The following ETV4 variants were observed in gnomAD, a reference collection of about 807,000 sequenced individuals.
ETV4 encodes ETS variant transcription factor 4.
ETV4 carries 42 observed loss-of-function variants against 65.9 expected under a neutral mutation model. The ratio of observed to expected loss-of-function variants is 0.64; its 90% CI spans 0.50 to 0.82. The LOEUF (loss-of-function observed/expected upper bound fraction) is 0.82, where lower values mean the gene tolerates loss of function less well. Among genes scored for constraint, ETV4 ranks in the 40% least tolerant of loss-of-function variants. The probability of loss-of-function intolerance (pLI) is 0.00; values close to 1 mark genes in which losing one functional copy is unlikely to be tolerated. For synonymous variants in ETV4, 238 were observed against 260.0 expected (o/e 0.92, Z 0.81); for missense variants, 583 against 630.3 (o/e 0.92, Z 0.80).
In ETV4 at chr17:43,529,115, C is replaced by G; in HGVS notation, c.1230+20G>C. On this transcript the variant is annotated intron_variant, in intron 12 of 12. Transcript: ENST00000319349. ...AGCCACTGCCCCCCACCACCTTGTCCCTAGACCCACAGCCCCCACCTTCTG... is the reference window on the plus strand; with the variant it reads ...AGCCACTGCCCCCCACCACCTTGTCGCTAGACCCACAGCCCCCACCTTCTG... 1 of 1,612,540 alleles carries G rather than the reference C, an allele frequency of 6.2e-7. No homozygotes were observed. Among genetic ancestry groups the G allele is most frequent in the Non-Finnish European group, 8.5e-7 (1 of 1,178,902 alleles).
chr17:43,532,366 G>A (rs1427933343), intron 8 of ETV4, among the ~76,000 whole-genome samples: 2 of 152,122 alleles, frequency 1.3e-5, no homozygotes, highest in African/African-American at 4.8e-5. Flanking sequence ...GGGCACGGTG[G>A]CTGGTGCCTG....
intron 4 of ETV4, among the ~76,000 whole-genome samples, chr17:43,538,507 T>C (rs1971358597): frequency 6.6e-6 from 1 of 152,088 alleles, no homozygotes; most frequent in South Asian, 2.1e-4. Context: ...TGGAGCTGGG[T>C]TGGGGAATAG....
chr17:43,537,987 G>T (rs141228619), intron 4 of ETV4, among the ~76,000 whole-genome samples: 2 of 151,994 alleles, frequency 1.3e-5, no homozygotes, highest in Non-Finnish European at 2.9e-5. Flanking sequence ...AAAATTAGCC[G>T]GGTGTGGTGG....
chr17:43,536,619 A>G, intron 4 of ETV4, 140 bp from the exon 5 acceptor site: 1 of 674,702 alleles, frequency 1.5e-6, no homozygotes, highest in East Asian at 2.5e-5. Flanking sequence ...CATTGTAAGA[A>G]TTGTCTTGGG....
intron 3 of ETV4, 125 bp from the exon 4 acceptor site, chr17:43,545,147 T>C (rs1026833802): frequency 2.3e-6 from 3 of 1,300,404 alleles, no homozygotes; most frequent in African/African-American, 1.5e-5. Flanking sequence ...CAAAATCCCT[T>C]GGAGGGCGAG....
At chr17:43,535,597 G>A (rs1971197991) in intron 5 of ETV4, among the ~76,000 whole-genome samples, 1 of 152,200 alleles carries the variant, frequency 6.6e-6, no homozygotes, top group African/African-American at 2.4e-5. Flanking sequence ...TTTCTCAACA[G>A]TGGCACTACT....
intron 8 of ETV4, 117 bp downstream of exon 8, chr17:43,532,557 G>T: frequency 1.1e-6 from 1 of 883,406 alleles, no homozygotes; most frequent in Non-Finnish European, 1.7e-6. Context: ...GAAAAAAAGT[G>T]GGTGGGTGGG....
intron 5 of ETV4, among the ~76,000 whole-genome samples, chr17:43,535,287 G>GTT (rs147845930): frequency 7.3e-5 from 11 of 151,612 alleles, no homozygotes; most frequent in South Asian, 2.1e-4. Flanking sequence ...TTTGGTTTTT[G>GTT]TTTTTTTTGA....
intron 1 of ETV4, 104 bp from the exon 2 acceptor site, chr17:43,545,772 C>T: frequency 1.5e-6 from 1 of 650,554 alleles, no homozygotes; most frequent in Non-Finnish European, 2.6e-6. Flanking sequence ...GAAACTTCTC[C>T]GACTCACTGG....
intron 7 of ETV4, 102 bp downstream of exon 7, chr17:43,533,084 GC>G: frequency 6.6e-7 from 1 of 1,511,048 alleles, no homozygotes; most frequent in Non-Finnish European, 9.0e-7. Flanking sequence ...CTATTCCACT[GC>G]CCCCTGCCTC....
At chr17:43,536,117 AAAACAAAC>A (rs113078365) in intron 5 of ETV4, among the ~76,000 whole-genome samples, 19 of 151,724 alleles carry the variant, frequency 1.3e-4, no homozygotes, top group South Asian at 2.1e-4. Flanking sequence ...TCTTGGGGGG[AAAACAAAC>A]AAACAAACAA....
chr17:43,533,042 TA>T (rs965224162), intron 7 of ETV4, 103 bp from the exon 8 acceptor site: 78 of 1,491,022 alleles, frequency 5.2e-5, no homozygotes, highest in Admixed American at 2.9e-4. Context: ...GAATGGGGGG[TA>T]GGGGGTTGGG....
chr17:43,533,368 A>G lies in ETV4; in HGVS notation c.384-20T>C. Reference sequence around the variant, plus strand: ...TAGGCACTGGAGTTGAGAAGGAGACAGGGGTGAGGGGGCAGAGAAGCTGGA... The same window carrying G: ...TAGGCACTGGAGTTGAGAAGGAGACGGGGGTGAGGGGGCAGAGAAGCTGGA... On this transcript the variant is annotated intron_variant, in intron 6 of 12. Transcript: ENST00000319349. 6.2e-7 allele frequency: 1 copy of G among 1,601,426 alleles called. No individual in the cohort carries two copies. Among genetic ancestry groups the G allele is most frequent in the Non-Finnish European group, 8.5e-7 (1 of 1,169,906 alleles).
At chr17:43,535,963 T>A (rs1302905910) in intron 5 of ETV4, among the ~76,000 whole-genome samples, 2 of 152,122 alleles carry the variant, frequency 1.3e-5, no homozygotes, top group East Asian at 3.9e-4. Flanking sequence ...ATACAAAAAT[T>A]AGCTGGGTGT....
chr17:43,536,472 T>C lies in ETV4; in HGVS notation c.210A>G (p.Val70=). Reference sequence around the variant, plus strand: ...GAACAAACTGCTCATCACTGTCTGGTACCTGAGCTGCAGAGAGAAGTCAGA... The same window carrying C: ...GAACAAACTGCTCATCACTGTCTGGCACCTGAGCTGCAGAGAGAAGTCAGA... ...FQETWLAEAQ[V]PDSDEQFVPD... is the part of the protein sequence containing the mutation. Residue 70 remains valine (V), a synonymous_variant, in exon 5 of 13, where the codon GTA becomes GTG. Transcript: ENST00000319349. 6.2e-7 allele frequency: 1 copy of C among 1,614,226 alleles called. No homozygotes were observed. Among genetic ancestry groups the C allele is most frequent in the South Asian group, 1.1e-5 (1 of 91,086 alleles).
chr17:43,529,658 C>T lies in ETV4; in HGVS notation c.974G>A (p.Gly325Glu), dbSNP rs1332271799. Residue 325 changes from glycine to glutamate, a missense_variant, in exon 11 of 13, where the codon GGG becomes GAG. Gly to Glu is a moderately conservative substitution (Grantham distance 98). Transcript: ENST00000319349. Reference sequence around the variant, plus strand: ...CGGCCCCTCTCGAAATGCACCGACCCCTTCCTGCTTGATGTCTCCTGGGGA... The same window carrying T: ...CGGCCCCTCTCGAAATGCACCGACCTCTTCCTGCTTGATGTCTCCTGGGGA... ...EKFEGDIKQEGVGAFREGPPY... is the reference protein window; with the variant it reads ...EKFEGDIKQEEVGAFREGPPY... 3.1e-6 allele frequency: 5 copies of T among 1,612,704 alleles called. No homozygotes were observed. Among genetic ancestry groups the T allele is most frequent in the Non-Finnish European group, 4.2e-6 (5 of 1,179,218 alleles).
intron 8 of ETV4, among the ~76,000 whole-genome samples, chr17:43,531,978 A>T (rs1744283326): frequency 2.0e-5 from 3 of 152,178 alleles, no homozygotes; most frequent in Non-Finnish European, 4.4e-5. Context: ...TTCCCTATTA[A>T]GTCACAAGCT....
At chr17:43,529,463 A>C in intron 11 of ETV4, 41 bp downstream of exon 11, 1 of 1,576,530 alleles carries the variant, frequency 6.3e-7, no homozygotes, top group South Asian at 1.2e-5. Context: ...TCCAGGCTGT[A>C]AACTTTGGAA....
chr17:43,529,371 CTT>C, intron 11 of ETV4, 131 bp downstream of exon 11: 3 of 1,408,200 alleles, frequency 2.1e-6, no homozygotes, highest in South Asian at 1.2e-5. Flanking sequence ...AGCCCACAGA[CTT>C]AGGCTTGGCA....
Sources: allele counts gnomAD v4.1 joint callset (sites outside exome capture counted in the v4.1 genomes callset), GRCh38; gene constraint gnomAD v4.1.1; transcripts MANE v1.5; gene names NCBI Gene and HGNC (gene_info 2026-07-23, HGNC 2026-07-21).